The following CPPED1 variants were observed in gnomAD, a reference collection of about 807,000 sequenced individuals.
The protein encoded by CPPED1 is calcineurin like phosphoesterase domain containing 1, also known as serine/threonine-protein phosphatase CPPED1.
A neutral mutation model predicts 28.0 loss-of-function variants in CPPED1; 28 were observed. The observed-to-expected ratio is 1.00, with a 90% CI of 0.74 to 1.37. The LOEUF is 1.37. CPPED1 is among the 40% of genes most tolerant of loss of function. The pLI is 0.00. For synonymous variants in CPPED1, 198 were observed against 180.2 expected (o/e 1.10, Z -0.79); for missense variants, 504 against 416.5 (o/e 1.21, Z -1.83).
chr16:12,752,489 A>G (rs150775379), intron 2 of CPPED1, among the ~76,000 whole-genome samples: 358 of 152,118 alleles, frequency 2.4e-3, no homozygotes, highest in African/African-American at 8.0e-3. Context: ...GAATAAATCA[A>G]TCTGTGTCAG....
At chr16:12,735,991 A>G (rs1047429351) in intron 2 of CPPED1, among the ~76,000 whole-genome samples, 1 of 152,166 alleles carries the variant, frequency 6.6e-6, no homozygotes, top group Non-Finnish European at 1.5e-5. Context: ...TCCAGTGCAT[A>G]AAGGGATCAG....
intron 1 of CPPED1, among the ~76,000 whole-genome samples, chr16:12,785,421 G>A (rs1426735019): frequency 6.9e-6 from 1 of 144,974 alleles, no homozygotes; most frequent in Non-Finnish European, 1.5e-5. Context: ...AGACAAACGT[G>A]AATTCTTTTT....
chr16:12,793,007 G>C (rs1450532752), intron 1 of CPPED1, among the ~76,000 whole-genome samples: 4 of 151,908 alleles, frequency 2.6e-5, no homozygotes, highest in Non-Finnish European at 5.9e-5. Flanking sequence ...ACCCTTCCCT[G>C]CCAGCTCAAA....
At chr16:12,668,667 G>T (rs1473501026) in intron 3 of CPPED1, among the ~76,000 whole-genome samples, 1 of 152,182 alleles carries the variant, frequency 6.6e-6, no homozygotes, top group Admixed American at 6.5e-5. Context: ...TAACAAGCGG[G>T]AAAGGATTTT....
chr16:12,803,885 C>A lies in CPPED1; in HGVS notation c.-109G>T, dbSNP rs552607620. On this transcript the variant is annotated 5_prime_UTR_variant, in exon 1 of 4. Coordinates refer to ENST00000381774, the MANE Select transcript of CPPED1 (RefSeq NM_018340.3). ...CCCGCTTTGGGCGACGCCCTTTGAT[C>A]TCGGGGCGGGACTGGGGCGGGACGG... The A allele has an allele frequency of 2.8e-5, 30 of 1,072,346 alleles. No homozygotes were observed. Among genetic ancestry groups the A allele is most frequent in the Admixed American group, 8.9e-5 (3 of 33,734 alleles). The allele number at this position is 1,072,346 out of a possible 1,614,324, so 66.4% of individuals were successfully genotyped here. A position where few individuals can be genotyped will look rare whatever the true frequency, so the allele number is the denominator to read the frequency against.
At chr16:12,753,666 C>T (rs1166282412) in intron 2 of CPPED1, among the ~76,000 whole-genome samples, 1 of 152,132 alleles carries the variant, frequency 6.6e-6, no homozygotes, top group African/African-American at 2.4e-5. Context: ...TTCATAAATT[C>T]CCCCTTCCTC....
At chr16:12,734,015 T>G (rs1443371458) in intron 2 of CPPED1, among the ~76,000 whole-genome samples, 1 of 150,614 alleles carries the variant, frequency 6.6e-6, no homozygotes, top group Non-Finnish European at 1.5e-5. Context: ...TGGCAATAAT[T>G]ACAGGACAAT....
At chr16:12,799,056 GA>G (rs2080643227) in intron 1 of CPPED1, among the ~76,000 whole-genome samples, 1 of 152,086 alleles carries the variant, frequency 6.6e-6, no homozygotes, top group South Asian at 2.1e-4. Flanking sequence ...CCGGTGGGAG[GA>G]AATGGGTCTT....
chr16:12,698,176 G>A (rs182140847), intron 3 of CPPED1, among the ~76,000 whole-genome samples: 65 of 152,224 alleles, frequency 4.3e-4, no homozygotes, highest in Admixed American at 3.7e-3. Context: ...ATTACCTGCT[G>A]ATAAGTAGAC....
chr16:12,786,851 G>A (rs1039699380), intron 1 of CPPED1, among the ~76,000 whole-genome samples: 1 of 152,216 alleles, frequency 6.6e-6, no homozygotes, highest in Non-Finnish European at 1.5e-5. Context: ...GGTGGAGGTT[G>A]CAGTGAGCCG....
At chr16:12,697,715 T>C (rs1386787566) in intron 3 of CPPED1, among the ~76,000 whole-genome samples, 12 of 152,150 alleles carry the variant, frequency 7.9e-5, no homozygotes, top group Admixed American at 6.5e-4. Flanking sequence ...AGTTGAGTAG[T>C]TGCTACAGAG....
chr16:12,792,514 A>T (rs1182371029), intron 1 of CPPED1, among the ~76,000 whole-genome samples: 2 of 152,106 alleles, frequency 1.3e-5, no homozygotes, highest in African/African-American at 4.8e-5. Context: ...AAGACATACC[A>T]CAGGAATCCC....
intron 2 of CPPED1, among the ~76,000 whole-genome samples, chr16:12,706,427 CTAAA>C (rs1448197461): frequency 5.3e-5 from 8 of 150,162 alleles, no homozygotes; most frequent in Non-Finnish European, 8.9e-5. Context: ...TTGCACCAAC[CTAAA>C]TACTTTCTTT....
chr16:12,733,274 AT>A (rs11463007), intron 2 of CPPED1, among the ~76,000 whole-genome samples: 1,957 of 139,226 alleles, frequency 0.014, 23 homozygotes, highest in Middle Eastern at 0.04. Context: ...CGAATTAGGA[AT>A]TTTTTTTTTT....
intron 1 of CPPED1, 37 bp from the exon 2 acceptor site, chr16:12,781,440 T>C (rs1047639942): frequency 1.3e-6 from 2 of 1,588,536 alleles, no homozygotes; most frequent in Non-Finnish European, 1.7e-6. Flanking sequence ...AGGAGAAATC[T>C]TGTAAAATCT....
intron 2 of CPPED1, among the ~76,000 whole-genome samples, chr16:12,777,390 G>A (rs986670568): frequency 2.0e-5 from 3 of 152,078 alleles, no homozygotes; most frequent in African/African-American, 7.2e-5. Flanking sequence ...AGGCTTCTGG[G>A]GACAAAACCA....
chr16:12,718,084 C>G (rs75517757), intron 2 of CPPED1, among the ~76,000 whole-genome samples: 1 of 152,172 alleles, frequency 6.6e-6, no homozygotes, highest in Non-Finnish European at 1.5e-5. Context: ...CCAGTAGATA[C>G]AGCAAGAACT....
intron 2 of CPPED1, among the ~76,000 whole-genome samples, chr16:12,747,558 C>T (rs770581397): frequency 3.9e-5 from 6 of 151,974 alleles, no homozygotes; most frequent in Non-Finnish European, 7.4e-5. Flanking sequence ...CCTGAATAGC[C>T]TTGTAGCTAT....
At chr16:12,741,480 C>A (rs745438482) in intron 2 of CPPED1, among the ~76,000 whole-genome samples, 2 of 152,080 alleles carry the variant, frequency 1.3e-5, no homozygotes, top group Non-Finnish European at 2.9e-5. Context: ...TTGCAATGGG[C>A]CTGATGATTT....
Sources: gnomAD v4.1 joint callset for allele counts (sites outside exome capture counted in the v4.1 genomes callset) on GRCh38, gnomAD v4.1.1 for gene constraint, MANE v1.5 for transcripts, NCBI Gene and HGNC (gene_info 2026-07-23, HGNC 2026-07-21) for gene names.